Variants in HNMT observed in about 807,000 individuals in gnomAD.
HNMT encodes histamine N-methyltransferase.
A neutral mutation model predicts 32.1 loss-of-function variants in HNMT; 30 were observed. The observed-to-expected ratio is 0.93, with a 90% CI of 0.70 to 1.27. The LOEUF is 1.27. HNMT is among the 50% of genes most tolerant of loss of function. HNMT has a pLI of 0.00. For synonymous variants in HNMT, 125 were observed against 119.0 expected (o/e 1.05, Z -0.33); for missense variants, 327 against 346.0 (o/e 0.95, Z 0.43).
At chr2:137,981,108 C>G (rs1053368211) in intron 2 of HNMT, 28 of 1,282,276 alleles carry the variant, frequency 2.2e-5, no homozygotes, top group Non-Finnish European at 2.6e-5. Context: ...TAAATTTTTC[C>G]TGCTGATAAT....
At position 138,002,208 on chromosome 2, in the gene HNMT, A is replaced by C. The variant is rs756417164; in HGVS notation, c.429+14A>C. On this transcript the variant is annotated intron_variant, in intron 4 of 5. Coordinates refer to ENST00000280097, the MANE Select transcript of HNMT (RefSeq NM_006895.3). The stretch of plus-strand genomic sequence containing the variant: ...CATATGATTCAAGTAAGAAATATGT[A>C]TTATAATATATACTCAGAAAGAAGA... 1 of 1,461,498 alleles carries C rather than the reference A, an allele frequency of 6.8e-7. No individual in the cohort carries two copies. The highest frequency in any genetic ancestry group is 1.3e-5 in the South Asian group (1 of 76,238). The allele number at this position is 1,461,498 out of a possible 1,614,324, so 90.5% of individuals were successfully genotyped here.
At chr2:137,967,339 G>T in intron 1 of HNMT, 1 of 512,640 alleles carries the variant, frequency 2.0e-6, no homozygotes, top group Non-Finnish European at 3.5e-6. Flanking sequence ...AGAGATCGAG[G>T]CTTCAGTGAG....
At chr2:137,985,515 A>G (rs569368957) in intron 2 of HNMT, among the ~76,000 whole-genome samples, 5 of 152,310 alleles carry the variant, frequency 3.3e-5, no homozygotes, top group African/African-American at 1.2e-4. Flanking sequence ...TCTCTTTCCT[A>G]CATACTTTTA....
chr2:137,993,116 GA>G (rs1680874572), intron 2 of HNMT, among the ~76,000 whole-genome samples: 1 of 152,138 alleles, frequency 6.6e-6, no homozygotes, highest in Admixed American at 6.5e-5. Context: ...AAACAATGCT[GA>G]AAACCCAAAA....
At chr2:137,978,240 C>T (rs902777541) in intron 2 of HNMT, among the ~76,000 whole-genome samples, 9 of 149,908 alleles carry the variant, frequency 6.0e-5, no homozygotes, top group African/African-American at 2.2e-4. Flanking sequence ...ATGAGACCAA[C>T]GATAGTGAAT....
Position 138,013,953 on chromosome 2 carries a change from T to A in HNMT, c.702T>A (p.Asn234Lys), listed in dbSNP as rs1681587274. The change falls in exon 6 of 6, where the codon AAT (asparagine) becomes AAA (lysine). Residue 234 changes from asparagine to lysine, a missense_variant. By Grantham distance (94) the Asn-to-Lys change is moderately conservative. Coordinates refer to ENST00000280097, the MANE Select transcript of HNMT (RefSeq NM_006895.3). ...MDISDCFIDG[N>K]ENGDLLWDFL... Reference sequence around the variant, plus strand: ...TATCTGACTGCTTTATTGATGGTAATGAAAATGGAGACCTGCTTTGGGATT... The same window carrying A: ...TATCTGACTGCTTTATTGATGGTAAAGAAAATGGAGACCTGCTTTGGGATT... The A allele has an allele frequency of 6.2e-7, 1 of 1,613,846 alleles. No individual in the cohort carries two copies.
At chr2:137,977,474 G>A (rs188287569) in intron 2 of HNMT, among the ~76,000 whole-genome samples, 3 of 152,104 alleles carry the variant, frequency 2.0e-5, no homozygotes, top group East Asian at 1.9e-4. Context: ...GGATTGGGGG[G>A]GTTGCAGGGA....
chr2:137,998,632 A>G (rs1558963290), intron 2 of HNMT, among the ~76,000 whole-genome samples: 1 of 152,156 alleles, frequency 6.6e-6, no homozygotes, highest in Non-Finnish European at 1.5e-5. Flanking sequence ...CCATATGTCA[A>G]TTGTGATTCT....
At chr2:137,982,782 T>TTTTAGGC (rs1680541329) in intron 2 of HNMT, among the ~76,000 whole-genome samples, 1 of 152,246 alleles carries the variant, frequency 6.6e-6, no homozygotes, top group South Asian at 2.1e-4. Flanking sequence ...TTATATGCTG[T>TTTTAGGC]AATAACATAA....
At chr2:137,966,341 T>G (rs1679955890) in intron 1 of HNMT, among the ~76,000 whole-genome samples, 2 of 152,212 alleles carry the variant, frequency 1.3e-5, no homozygotes. Flanking sequence ...TTTCAGCACT[T>G]TGAAATCTTT....
chr2:138,000,839 A>G, intron 2 of HNMT, 79 bp from the exon 3 acceptor site: 1 of 706,250 alleles, frequency 1.4e-6, no homozygotes, highest in Non-Finnish European at 2.4e-6. Context: ...AAGGTAGGGC[A>G]GATAATAAAT....
Position 138,002,123 on chromosome 2 carries a change from T to A in HNMT, c.358T>A (p.Ser120Thr). Residue 120 changes from serine (S) to threonine (T), a missense_variant, in exon 4 of 6, where the codon TCA (serine) becomes ACA (threonine). Coordinates refer to ENST00000280097, the MANE Select transcript of HNMT (RefSeq NM_006895.3). The stretch of plus-strand genomic sequence containing the variant: ...AAAGTTTGCTTGGCATAAGGAGACA[T>A]CATCTGAATACCAAAGTAGAATGTT... ...NVKFAWHKETSSEYQSRMLEK... is the reference protein window; with the variant it reads ...NVKFAWHKETTSEYQSRMLEK... 6.2e-7 allele frequency: 1 copy of A among 1,603,680 alleles called. No individual in the cohort carries two copies. The highest frequency in any genetic ancestry group is 8.5e-7 in the Non-Finnish European group (1 of 1,173,910).
chr2:138,007,490 G>T (rs565674408), intron 5 of HNMT, among the ~76,000 whole-genome samples: 1 of 151,918 alleles, frequency 6.6e-6, no homozygotes, highest in African/African-American at 2.4e-5. Flanking sequence ...AATCCTATCG[G>T]CATGTCATAC....
chr2:137,967,431 A>T (rs556124958), intron 1 of HNMT: 1 of 303,820 alleles, frequency 3.3e-6, no homozygotes, highest in African/African-American at 2.1e-5. Flanking sequence ...ATCAAATGCT[A>T]CTCAAAATTC....
intron 2 of HNMT, among the ~76,000 whole-genome samples, chr2:138,000,163 G>A (rs1412166387): frequency 2.0e-5 from 3 of 152,054 alleles, no homozygotes; most frequent in African/African-American, 7.2e-5. Context: ...TTCTGTGTGT[G>A]CATCTGTCAT....
At chr2:137,970,839 GA>G (rs1680102647) in intron 2 of HNMT, among the ~76,000 whole-genome samples, 1 of 148,648 alleles carries the variant, frequency 6.7e-6, no homozygotes, top group Non-Finnish European at 1.5e-5. Flanking sequence ...AGAATGGCGT[GA>G]ATCCTGGAGG....
intron 2 of HNMT, chr2:137,988,663 T>C (rs1680725228): frequency 6.6e-6 from 1 of 151,994 alleles, no homozygotes; most frequent in African/African-American, 2.4e-5. Flanking sequence ...TCACTTGAGG[T>C]CAAGAGTTCG....
intron 1 of HNMT, among the ~76,000 whole-genome samples, chr2:137,966,272 G>T (rs1276783528): frequency 6.6e-6 from 1 of 152,084 alleles, no homozygotes; most frequent in African/African-American, 2.4e-5. Context: ...AAAGTGTGTG[G>T]GGACTATAAC....
intron 5 of HNMT, among the ~76,000 whole-genome samples, chr2:138,012,524 G>C (rs991964287): frequency 1.3e-5 from 2 of 152,044 alleles, no homozygotes; most frequent in African/African-American, 4.8e-5. Context: ...TCATTGATTT[G>C]AGTAAATCAC....
Sources: allele counts gnomAD v4.1 joint callset (sites outside exome capture counted in the v4.1 genomes callset), GRCh38; gene constraint gnomAD v4.1.1; transcripts MANE v1.5; gene names NCBI Gene and HGNC (gene_info 2026-07-23, HGNC 2026-07-21).